POMGNT1: variants seen among roughly 807,000 people sequenced by gnomAD.
POMGNT1 encodes the protein protein O-linked-mannose beta-1,2-N-acetylglucosaminyltransferase 1.
POMGNT1 carries 67 observed loss-of-function variants against 95.6 expected under a neutral mutation model. That is an observed-to-expected ratio of 0.70 (90% CI 0.58 to 0.86). The LOEUF (loss-of-function observed/expected upper bound fraction) is 0.86, where lower values mean the gene tolerates loss of function less well. POMGNT1 is among the 40% of genes least tolerant of loss of function. The probability of loss-of-function intolerance (pLI) is 0.00; values close to 1 mark genes in which losing one functional copy is unlikely to be tolerated. For missense variants in POMGNT1, 719 were observed against 855.2 expected, an observed-to-expected ratio of 0.84 and a Z score of 1.99; for synonymous variants, 298 against 317.9, an observed-to-expected ratio of 0.94 and a Z score of 0.66.
In POMGNT1 at chr1:46,197,803, T is replaced by C. The variant is rs2148222925; in HGVS notation, c.19A>G (p.Ser7Gly). 1 of 1,614,144 alleles carries C rather than the reference T, an allele frequency of 6.2e-7. No individual in the cohort carries two copies. The highest frequency in any genetic ancestry group is 8.5e-7 in the Non-Finnish European group (1 of 1,180,014). MDDWKP[S>G]PLIKPFGARK... is the part of the protein sequence containing the mutation. ...GCCCCAAAGGGCTTGATGAGGGGGC[T>C]GGGCTTCCAGTCGTCCATACCGGAT... The change falls in exon 2 of 22, where the codon AGC becomes GGC. Residue 7 changes from serine to glycine, a missense_variant. Physicochemically the swap from Ser to Gly is moderately conservative, Grantham distance 56 (BLOSUM62 0). Coordinates refer to ENST00000371984, the MANE Select transcript of POMGNT1 (RefSeq NM_017739.4).
At chr1:46,219,661 C>A (rs536716626) in intron 1 of POMGNT1, 1 of 1,534,550 alleles carries the variant, frequency 6.5e-7, no homozygotes, top group Non-Finnish European at 8.7e-7. Flanking sequence ...AAACCCATGC[C>A]CCAGAACTGG....
upstream of POMGNT1, among the ~76,000 whole-genome samples, chr1:46,202,990 A>G (rs1394511489): frequency 7.3e-6 from 1 of 137,162 alleles, no homozygotes; most frequent in East Asian, 2.2e-4. Context: ...TTTTATACCC[A>G]ATTCCTCTGC....
Position 46,192,242 on chromosome 1 carries a change from G to T in POMGNT1, c.1414-19C>A. 6.2e-7 allele frequency: 1 copy of T among 1,614,174 alleles called. No homozygotes were observed. The highest frequency in any genetic ancestry group is 1.1e-5 in the South Asian group (1 of 91,082). On this transcript the variant is annotated intron_variant, in intron 16 of 21. Transcript: ENST00000371984. ...CCCAGAGCTGGCAGACATGGACCAC[G>T]ATGAAGGTTAAGATGTTTCGAGTTG...
chr1:46,210,120 T>A (rs1658848014), intron 1 of POMGNT1, among the ~76,000 whole-genome samples: 1 of 152,328 alleles, frequency 6.6e-6, no homozygotes, highest in South Asian at 2.1e-4. Context: ...TTCTCCATTA[T>A]CTTTGTAATT....
intron 13 of POMGNT1, 56 bp downstream of exon 13, chr1:46,193,118 C>A (rs973919825): frequency 6.2e-7 from 1 of 1,612,284 alleles, no homozygotes; most frequent in African/African-American, 1.3e-5. Context: ...CAGGCCCAGA[C>A]CTTATGCCCA....
chr1:46,197,432 C>T, intron 2 of POMGNT1: 1 of 1,493,066 alleles, frequency 6.7e-7, no homozygotes, highest in East Asian at 2.6e-5. Flanking sequence ...CTGGCCCTAA[C>T]TGCCTCACAG....
In POMGNT1 at chr1:46,192,576, G is replaced by T. The variant is rs1259024068; in HGVS notation, c.1226C>A (p.Ser409Tyr). 6.2e-7 allele frequency: 1 copy of T among 1,614,126 alleles called. No individual in the cohort carries two copies. The highest frequency in any genetic ancestry group is 2.2e-5 in the East Asian group (1 of 44,890). The change falls in exon 15 of 22, where the codon TCC becomes TAC. Residue 409 changes from serine to tyrosine, a missense_variant. Physicochemically the swap from Ser to Tyr is moderately radical, Grantham distance 144. This residue lies in a region of POMGNT1 where 118 missense variants were observed against 153.6 expected (regional missense o/e 0.77). Transcript: ENST00000371984. Reference protein sequence around the residue: ...AVDFFSFLSQSIHLLEEDDSL... With the variant: ...AVDFFSFLSQYIHLLEEDDSL... ...GTCATCCTCCTCCAGTAGGTGGATGGATTGGCTCAGGAAACTGAGAGAGGC... is the reference window on the plus strand; with the variant it reads ...GTCATCCTCCTCCAGTAGGTGGATGTATTGGCTCAGGAAACTGAGAGAGGC...
chr1:46,197,194 C>T, intron 2 of POMGNT1, 110 bp from the exon 3 acceptor site: 4 of 1,599,804 alleles, frequency 2.5e-6, no homozygotes, highest in South Asian at 1.1e-5. Flanking sequence ...AAACTGGGTC[C>T]TGTCCCTTCC....
At chr1:46,217,862 A>C (rs1250339204) in intron 1 of POMGNT1, among the ~76,000 whole-genome samples, 1 of 152,180 alleles carries the variant, frequency 6.6e-6, no homozygotes, top group African/African-American at 2.4e-5. Flanking sequence ...TGTCTCAAAA[A>C]AGAAAAAAGA....
At chr1:46,208,016 C>T (rs1263796867) in intron 1 of POMGNT1, among the ~76,000 whole-genome samples, 5 of 151,694 alleles carry the variant, frequency 3.3e-5, no homozygotes, top group Non-Finnish European at 7.4e-5. Context: ...TACAGGCACC[C>T]GCCTAGTTAA....
chr1:46,203,181 A>AGG (rs1364991357), upstream of POMGNT1, among the ~76,000 whole-genome samples: 3 of 152,074 alleles, frequency 2.0e-5, no homozygotes, highest in Non-Finnish European at 4.4e-5. Flanking sequence ...GTGCTCTTTC[A>AGG]GGTCCAACTC....
At chr1:46,195,687 G>T in intron 6 of POMGNT1, 124 bp downstream of exon 6, 2 of 898,394 alleles carry the variant, frequency 2.2e-6, no homozygotes, top group Non-Finnish European at 3.6e-6. Flanking sequence ...GGCTGAGATT[G>T]GAACCTGAGT....
chr1:46,193,645 G>C lies in POMGNT1; in HGVS notation c.951-6C>G. 6.2e-7 allele frequency: 1 copy of C among 1,614,156 alleles called. No homozygotes were observed. Among genetic ancestry groups the C allele is most frequent in the Non-Finnish European group, 8.5e-7 (1 of 1,180,010 alleles). On this transcript the variant is annotated splice_polypyrimidine_tract_variant and splice_region_variant and intron_variant, in intron 10 of 21. Transcript: ENST00000371984. ...AAAGCAGAGAGCGCAGCATCCTGGGGAGCCCAGGGATAGGTTAGGGTCACT... is the reference window on the plus strand; with the variant it reads ...AAAGCAGAGAGCGCAGCATCCTGGGCAGCCCAGGGATAGGTTAGGGTCACT...
chr1:46,205,360 A>C (rs1658678576), intron 1 of POMGNT1, among the ~76,000 whole-genome samples: 1 of 152,170 alleles, frequency 6.6e-6, no homozygotes, highest in African/African-American at 2.4e-5. Context: ...ATAACTGCCC[A>C]ACATCACGCA....
chr1:46,201,440 C>T (rs144630742), upstream of POMGNT1, among the ~76,000 whole-genome samples: 100 of 152,186 alleles, frequency 6.6e-4, no homozygotes, highest in African/African-American at 2.2e-3. Context: ...TGGCTCACAC[C>T]TGTAATCCCA....
rs967442898 is a variant in POMGNT1 at position 46,197,860 on chromosome 1, G to A, written c.-39C>T. On this transcript the variant is annotated 5_prime_UTR_variant, in exon 2 of 22. Transcript: ENST00000371984. ...GTCACCAATGTCCTGGCCAGCCCAT[G>A]ACTTCAGGAATCTGAAGGGACCAGA... 1.2e-6 allele frequency: 2 copies of A among 1,612,968 alleles called. No homozygotes were observed. Among genetic ancestry groups the A allele is most frequent in the Admixed American group, 3.3e-5 (2 of 60,016 alleles).
intron 1 of POMGNT1, among the ~76,000 whole-genome samples, chr1:46,209,801 A>G (rs1212252130): frequency 6.6e-6 from 1 of 152,014 alleles, no homozygotes; most frequent in Non-Finnish European, 1.5e-5. Context: ...ATGAGCCACC[A>G]TGCACGGCTG....
chr1:46,213,739 A>G (rs1187835904), intron 1 of POMGNT1, among the ~76,000 whole-genome samples: 1 of 152,092 alleles, frequency 6.6e-6, no homozygotes. Flanking sequence ...TTTAAAAAGT[A>G]CTAAATATCA....
intron 1 of POMGNT1, chr1:46,203,627 G>A: frequency 6.2e-7 from 1 of 1,601,684 alleles, no homozygotes; most frequent in Non-Finnish European, 8.5e-7. Context: ...TGGAGCTGGT[G>A]AGTGCTGAAT....
Sources: allele counts gnomAD v4.1 joint callset (sites outside exome capture counted in the v4.1 genomes callset), GRCh38; gene constraint gnomAD v4.1.1; regional missense constraint gnomAD v4.1.1; transcripts MANE v1.5; gene names NCBI Gene and HGNC (gene_info 2026-07-23, HGNC 2026-07-21).